The following ZNF521 variants were observed in gnomAD, a reference collection of about 807,000 sequenced individuals.
ZNF521 encodes LYST-interacting protein 3.
In ZNF521, 14 loss-of-function variants were observed where a neutral mutation model predicts 105.5. The ratio of observed to expected loss-of-function variants is 0.13; its 90% CI spans 0.09 to 0.21. The LOEUF (loss-of-function observed/expected upper bound fraction) is 0.21. Among genes scored for constraint, ZNF521 ranks in the 10% least tolerant of loss-of-function variants. ZNF521 has a pLI of 1.00. For missense variants in ZNF521, 1,233 were observed against 1,629.7 expected (o/e 0.76, Z 4.19); for synonymous variants, 635 against 606.0 (o/e 1.05, Z -0.70).
chr18:25,179,758 G>C (rs939569009), intron 5 of ZNF521, among the ~76,000 whole-genome samples: 9 of 152,150 alleles, frequency 5.9e-5, no homozygotes, highest in African/African-American at 2.2e-4. Flanking sequence ...TAAGCTGTTG[G>C]AAACACGCTA....
chr18:25,179,116 CTTTTTTTTTTTTT>C (rs1175859497), intron 5 of ZNF521, among the ~76,000 whole-genome samples: 9 of 52,478 alleles, frequency 1.7e-4, no homozygotes, highest in East Asian at 6.2e-4. Flanking sequence ...TTCTTTATTC[CTTTTTTTTTTTTT>C]TTTTTTTTTT....
chr18:25,091,547 A>C (rs1232887844), intron 6 of ZNF521, among the ~76,000 whole-genome samples: 5 of 152,130 alleles, frequency 3.3e-5, no homozygotes, highest in African/African-American at 1.2e-4. Context: ...CTCCATGTTT[A>C]AGTAGCAGAC....
chr18:25,337,787 A>C (rs1461288246), intron 2 of ZNF521, among the ~76,000 whole-genome samples: 2 of 152,206 alleles, frequency 1.3e-5, no homozygotes, highest in Non-Finnish European at 2.9e-5. Context: ...AAAATCATAC[A>C]TATCAGCAAG....
At chr18:25,298,622 C>T (rs569884327) in intron 3 of ZNF521, among the ~76,000 whole-genome samples, 17 of 152,128 alleles carry the variant, frequency 1.1e-4, no homozygotes, top group African/African-American at 3.1e-4. Context: ...AATGGAACAG[C>T]GGGTCATCAA....
chr18:25,310,040 C>T (rs980445120), intron 3 of ZNF521, among the ~76,000 whole-genome samples: 3 of 151,978 alleles, frequency 2.0e-5, no homozygotes, highest in East Asian at 3.9e-4. Flanking sequence ...TTATTTTCTG[C>T]TTTTATAACC....
chr18:25,183,094 G>A (rs1209758741), intron 5 of ZNF521, among the ~76,000 whole-genome samples: 1 of 152,078 alleles, frequency 6.6e-6, no homozygotes, highest in Non-Finnish European at 1.5e-5. Context: ...CATTATCCAT[G>A]TGTACAACAA....
chr18:25,089,912 C>T (rs1451657162), intron 6 of ZNF521, among the ~76,000 whole-genome samples: 1 of 152,180 alleles, frequency 6.6e-6, no homozygotes, highest in East Asian at 1.9e-4. Context: ...TTCTCAGCAA[C>T]CCACAGGTTA....
chr18:25,266,797 G>A (rs1010092620), intron 3 of ZNF521, among the ~76,000 whole-genome samples: 1 of 152,204 alleles, frequency 6.6e-6, no homozygotes, highest in Non-Finnish European at 1.5e-5. Context: ...CGCCACCAGG[G>A]CCCTGGGTTT....
intron 5 of ZNF521, among the ~76,000 whole-genome samples, chr18:25,112,288 C>A (rs1043061465): frequency 6.6e-6 from 1 of 152,060 alleles, no homozygotes; most frequent in East Asian, 1.9e-4. Flanking sequence ...GACAAAGGGG[C>A]CTTCGGGTTT....
At chr18:25,250,560 T>C (rs1341375873) in intron 3 of ZNF521, among the ~76,000 whole-genome samples, 1 of 152,242 alleles carries the variant, frequency 6.6e-6, no homozygotes, top group Non-Finnish European at 1.5e-5. Flanking sequence ...ATCTTTCACC[T>C]ATTGGCCTTA....
chr18:25,260,250 A>G (rs1406498362), intron 3 of ZNF521, among the ~76,000 whole-genome samples: 5 of 152,190 alleles, frequency 3.3e-5, no homozygotes, highest in Non-Finnish European at 7.3e-5. Flanking sequence ...GCTAAAATAA[A>G]ACAAAGCAAA....
At chr18:25,141,829 T>C (rs2034853541) in intron 5 of ZNF521, among the ~76,000 whole-genome samples, 1 of 152,138 alleles carries the variant, frequency 6.6e-6, no homozygotes, top group African/African-American at 2.4e-5. Flanking sequence ...AGTTTTCCAA[T>C]TATAGAGCCA....
Position 25,351,989 on chromosome 18 carries a change from C to G in ZNF521, c.-2+16G>C. On this transcript the variant is annotated intron_variant, in intron 1 of 7. Transcript: ENST00000361524. ...AGGAGAAGGAGTGTGCTGTGTGCTC[C>G]CTCCTCATCACAAACCTGCAAGGTC... is the stretch of plus-strand genomic sequence containing the variant. 1 of 439,294 alleles carries G rather than the reference C, an allele frequency of 2.3e-6. No individual in the cohort carries two copies. Among genetic ancestry groups the G allele is most frequent in the East Asian group, 7.4e-5 (1 of 13,424 alleles). The allele number at this position is 439,294 out of a possible 1,614,324, so 27.2% of individuals were successfully genotyped here.
At chr18:25,244,714 G>A (rs924123295) in intron 3 of ZNF521, among the ~76,000 whole-genome samples, 2 of 152,194 alleles carry the variant, frequency 1.3e-5, no homozygotes, top group African/African-American at 4.8e-5. Context: ...CCCTCTAAGA[G>A]GAGAAATTCC....
chr18:25,085,201 C>G (rs575410264), intron 7 of ZNF521, among the ~76,000 whole-genome samples: 1 of 149,978 alleles, frequency 6.7e-6, no homozygotes, highest in East Asian at 2.0e-4. Context: ...TTATATCTTG[C>G]TACAAATTAT....
intron 5 of ZNF521, among the ~76,000 whole-genome samples, chr18:25,174,972 C>T (rs1030573512): frequency 2.0e-5 from 3 of 152,164 alleles, no homozygotes; most frequent in African/African-American, 7.2e-5. Context: ...ATTAACATGA[C>T]CAAGGTCCAG....
intron 5 of ZNF521, among the ~76,000 whole-genome samples, chr18:25,158,226 T>A (rs192727673): frequency 2.6e-5 from 4 of 152,208 alleles, no homozygotes; most frequent in African/African-American, 9.6e-5. Context: ...AGAAACCATT[T>A]AAAATATTAT....
chr18:25,333,664 T>C (rs1913716253), intron 2 of ZNF521, among the ~76,000 whole-genome samples: 1 of 152,066 alleles, frequency 6.6e-6, no homozygotes, highest in African/African-American at 2.4e-5. Flanking sequence ...GGACAACCTA[T>C]CCCTGCAATG....
chr18:25,090,688 A>T (rs1183814006), intron 6 of ZNF521, among the ~76,000 whole-genome samples: 1 of 152,226 alleles, frequency 6.6e-6, no homozygotes, highest in African/African-American at 2.4e-5. Flanking sequence ...GCTAATCTGC[A>T]TATAACTCAG....
Sources: allele counts gnomAD v4.1 joint callset (sites outside exome capture counted in the v4.1 genomes callset), GRCh38; gene constraint gnomAD v4.1.1; transcripts MANE v1.5; gene names NCBI Gene and HGNC (gene_info 2026-07-23, HGNC 2026-07-21).